Variants in CLVS1 observed in about 807,000 individuals in gnomAD.
CLVS1 encodes clavesin-1.
CLVS1 carries 10 observed loss-of-function variants against 33.1 expected under a neutral mutation model. The observed-to-expected ratio is 0.30, with a 90% CI of 0.19 to 0.51. CLVS1 has a LOEUF of 0.51. Among genes scored for constraint, CLVS1 ranks in the 20% least tolerant of loss-of-function variants. The pLI is 0.97. For missense variants in CLVS1, 343 were observed against 433.4 expected (o/e 0.79, Z 1.85); for synonymous variants, 163 against 166.1 (o/e 0.98, Z 0.14).
At chr8:61,045,293 A>G in the CLVS1 span, among the ~76,000 whole-genome samples, 1 of 152,222 alleles carries the variant, frequency 6.6e-6, no homozygotes, top group Non-Finnish European at 1.5e-5. Context: ...TATTCTGGAT[A>G]TGGCTTTATC....
chr8:61,420,735 G>A (rs1815626452), intron 3 of CLVS1, among the ~76,000 whole-genome samples: 1 of 152,156 alleles, frequency 6.6e-6, no homozygotes, highest in South Asian at 2.1e-4. Context: ...TCGGTAGGCT[G>A]AGGCGGGCGG....
chr8:61,198,805 G>A (rs1276812676), intron 2 of CLVS1, among the ~76,000 whole-genome samples: 1 of 152,152 alleles, frequency 6.6e-6, no homozygotes, highest in Non-Finnish European at 1.5e-5. Flanking sequence ...ACTTATAAGT[G>A]AGAACATCCT....
chr8:61,249,436 A>G (rs563506305), intron 2 of CLVS1, among the ~76,000 whole-genome samples: 10 of 152,340 alleles, frequency 6.6e-5, no homozygotes, highest in African/African-American at 2.2e-4. Flanking sequence ...ATATATACCC[A>G]GTAATGGGAT....
intron 1 of CLVS1, among the ~76,000 whole-genome samples, chr8:61,299,077 T>C (rs115826592): frequency 0.012 from 1,866 of 152,256 alleles, 45 homozygotes; most frequent in African/African-American, 0.043. Flanking sequence ...TTTTCAGCCA[T>C]AGGCCTGTCC....
chr8:61,015,732 T>C, the CLVS1 span, among the ~76,000 whole-genome samples: 1 of 152,178 alleles, frequency 6.6e-6, no homozygotes, highest in Admixed American at 6.5e-5. Flanking sequence ...TCCCTCAAAA[T>C]GGACCTCATA....
Position 61,479,567 on chromosome 8 carries a change from CCTT to C in CLVS1, c.978-19882_978-19880del, listed in dbSNP as rs1420666028. 3.9e-5 allele frequency among the ~76,000 whole-genome samples: 6 copies of C among 151,976 alleles called. No individual in the cohort carries two copies. In the East Asian group the frequency reaches 1.2e-3, roughly 29 times the overall value. ...GCTCGGAGTAGTTGATCTTCTGAAG[CCTT>C]CTTCTCTCAACTCGTCAAAGTCATT... On this transcript the variant is annotated intron_variant, in intron 5 of 5. Transcript: ENST00000325897.
At chr8:61,033,526 A>C in the CLVS1 span, among the ~76,000 whole-genome samples, 1 of 152,150 alleles carries the variant, frequency 6.6e-6, no homozygotes, top group Non-Finnish European at 1.5e-5. Flanking sequence ...TTACTGGGTG[A>C]GGGGGGAAAC....
chr8:61,214,017 G>C (rs1473894337), intron 2 of CLVS1, among the ~76,000 whole-genome samples: 2 of 152,142 alleles, frequency 1.3e-5, no homozygotes, highest in Non-Finnish European at 2.9e-5. Flanking sequence ...GGTTGAGACT[G>C]CAGGGGTGAA....
intron 2 of CLVS1, among the ~76,000 whole-genome samples, chr8:61,185,687 T>G (rs929452777): frequency 6.6e-6 from 1 of 152,186 alleles, no homozygotes; most frequent in African/African-American, 2.4e-5. Flanking sequence ...ATTTAAATAC[T>G]AAGACTTTGG....
At chr8:61,131,617 T>C (rs1387634644) in intron 1 of CLVS1, among the ~76,000 whole-genome samples, 1 of 151,934 alleles carries the variant, frequency 6.6e-6, no homozygotes, top group Admixed American at 6.5e-5. Flanking sequence ...AGAAGAAATA[T>C]TGCTTAGCAA....
At chr8:61,475,409 C>A (rs1350134327) in intron 5 of CLVS1, among the ~76,000 whole-genome samples, 3 of 152,220 alleles carry the variant, frequency 2.0e-5, no homozygotes, top group Non-Finnish European at 2.9e-5. Flanking sequence ...TAGAGTCCCA[C>A]CAACAGTGTA....
At chr8:61,233,604 C>G (rs964721662) in intron 2 of CLVS1, among the ~76,000 whole-genome samples, 1 of 152,158 alleles carries the variant, frequency 6.6e-6, no homozygotes. Context: ...TGGCTTAATT[C>G]CCTACTCCTA....
intron 1 of CLVS1, among the ~76,000 whole-genome samples, chr8:61,110,421 A>C (rs955233509): frequency 2.0e-5 from 3 of 152,134 alleles, no homozygotes; most frequent in African/African-American, 7.2e-5. Context: ...TCTTAGATTG[A>C]AACCTAGTCT....
chr8:61,294,008 C>G (rs1397462191), intron 1 of CLVS1, among the ~76,000 whole-genome samples: 1 of 152,098 alleles, frequency 6.6e-6, no homozygotes, highest in Non-Finnish European at 1.5e-5. Context: ...TCTTATATTT[C>G]AAATAATATT....
At chr8:61,035,559 G>A in the CLVS1 span, among the ~76,000 whole-genome samples, 4 of 152,118 alleles carry the variant, frequency 2.6e-5, no homozygotes, top group African/African-American at 7.2e-5. Flanking sequence ...GGTCTGCATT[G>A]TCCGGGCATG....
At chr8:61,005,637 G>A in the CLVS1 span, among the ~76,000 whole-genome samples, 3 of 152,194 alleles carry the variant, frequency 2.0e-5, no homozygotes, top group Non-Finnish European at 4.4e-5. Context: ...CGGAGCAGAT[G>A]TCAGGAGGCT....
chr8:61,250,278 T>G (rs201924248), intron 2 of CLVS1, among the ~76,000 whole-genome samples: 102,517 of 151,560 alleles, frequency 0.68, 37,220 homozygotes, highest in East Asian at 0.97. Flanking sequence ...TTGGTCTATA[T>G]CTCTATTTTG....
the CLVS1 span, among the ~76,000 whole-genome samples, chr8:60,979,044 T>C: frequency 1.3e-4 from 20 of 152,142 alleles, no homozygotes; most frequent in Non-Finnish European, 2.4e-4. Flanking sequence ...AGGTAGCACA[T>C]TGAGCTAGTT....
At chr8:61,420,322 G>A (rs148419113) in intron 3 of CLVS1, among the ~76,000 whole-genome samples, 13 of 152,300 alleles carry the variant, frequency 8.5e-5, no homozygotes, top group Non-Finnish European at 1.6e-4. Context: ...ATTGTTGGCC[G>A]GGTGCGGTGG....
Sources: gnomAD v4.1 joint callset for allele counts (sites outside exome capture counted in the v4.1 genomes callset) on GRCh38, gnomAD v4.1.1 for gene constraint, MANE v1.5 for transcripts, NCBI Gene and HGNC (gene_info 2026-07-23, HGNC 2026-07-21) for gene names.